The following DIPK1C variants were observed in gnomAD, a reference collection of about 807,000 sequenced individuals.
The protein encoded by DIPK1C is familial non-conventional Alzheimer's dementia.
Under a neutral mutation model 28.0 loss-of-function variants are expected in DIPK1C, and 33 were observed. That is an observed-to-expected ratio of 1.18 (90% CI 0.89 to 1.58). The LOEUF (loss-of-function observed/expected upper bound fraction) is 1.58, where lower values mean the gene tolerates loss of function less well. Ranked by LOEUF, DIPK1C falls within the 40% of genes most tolerant of loss-of-function variation. The pLI is 0.00. For missense variants in DIPK1C, 569 were observed against 568.5 expected, an observed-to-expected ratio of 1.00 and a Z score of -0.01; for synonymous variants, 255 against 248.8, an observed-to-expected ratio of 1.02 and a Z score of -0.23.
intron 2 of DIPK1C, among the ~76,000 whole-genome samples, chr18:74,443,800 T>C (rs753445803): frequency 1.3e-5 from 2 of 152,178 alleles, no homozygotes; most frequent in Non-Finnish European, 2.9e-5. Flanking sequence ...CTCCCATCTT[T>C]ATAATTCATT....
chr18:74,443,836 C>T (rs1361037558), intron 2 of DIPK1C, among the ~76,000 whole-genome samples: 4 of 152,076 alleles, frequency 2.6e-5, no homozygotes, highest in Non-Finnish European at 5.9e-5. Flanking sequence ...CTCTTCTATT[C>T]TTTCTATGGT....
intron 3 of DIPK1C, among the ~76,000 whole-genome samples, chr18:74,438,987 C>T (rs1274722904): frequency 6.6e-6 from 1 of 152,190 alleles, no homozygotes; most frequent in East Asian, 1.9e-4. Context: ...GGAATAAGGC[C>T]CCTTCCACCC....
chr18:74,456,946 A>G (rs898566860), intron 1 of DIPK1C, 116 bp downstream of exon 1: 5 of 1,112,550 alleles, frequency 4.5e-6, no homozygotes, highest in Non-Finnish European at 5.8e-6. Flanking sequence ...TCGGGAACCC[A>G]TGTCCCCGGC....
intron 1 of DIPK1C, among the ~76,000 whole-genome samples, chr18:74,453,677 G>A (rs924417243): frequency 3.3e-5 from 5 of 152,188 alleles, no homozygotes; most frequent in Non-Finnish European, 7.3e-5. Context: ...ATTTGCTATG[G>A]AAGGGTTAAG....
rs1289484510 is a variant in DIPK1C at position 74,436,306 on chromosome 18, G to A, written c.*195C>T. On this transcript the variant is annotated 3_prime_UTR_variant, in exon 4 of 4. Transcript: ENST00000343998. Reference sequence around the variant, plus strand: ...TCCCTCATCTCATTTTACACAAGGCGACAGGTCAGAGGCCAGGGTGGGACG... The same window carrying A: ...TCCCTCATCTCATTTTACACAAGGCAACAGGTCAGAGGCCAGGGTGGGACG... 7 of 591,928 alleles carry A rather than the reference G, an allele frequency of 1.2e-5. No homozygotes were observed. The highest frequency in any genetic ancestry group is 1.9e-5 in the African/African-American group (1 of 53,492). The allele number at this position is 591,928 out of a possible 1,614,324, so 36.7% of individuals were successfully genotyped here. A position where few individuals can be genotyped will look rare whatever the true frequency, so the allele number is the denominator to read the frequency against.
rs765253040 is a variant in DIPK1C, at chr18:74,441,982, G to A, written c.1011C>T (p.Cys337=). 7.4e-6 allele frequency: 12 copies of A among 1,613,906 alleles called. No homozygotes were observed. The highest frequency in any genetic ancestry group is 2.2e-5 in the South Asian group (2 of 91,056). Residue 337 remains cysteine (C), a synonymous_variant, in exon 3 of 4, where the codon TGC becomes TGT. Coordinates refer to ENST00000343998, the MANE Select transcript of DIPK1C (RefSeq NM_001044369.3). ...FSRCDLRVNK[C]GAQRVNNNLQ... ...GGTTGTTGTTTACGCGCTGCGCTCC[G>A]CATTTGTTGACTCGTAAATCACATC... is the stretch of plus-strand genomic sequence containing the variant.
In DIPK1C at chr18:74,436,599, G is replaced by C. The variant is rs573919003; in HGVS notation, c.1162C>G (p.Pro388Ala). 10 of 1,613,230 alleles carry C rather than the reference G, an allele frequency of 6.2e-6. No homozygotes were observed. The South Asian group carries it at 8.8e-5, about 14-fold the overall frequency. The change falls in exon 4 of 4, where the codon CCC becomes GCC. Residue 388 changes from proline to alanine, a missense_variant. Coordinates refer to ENST00000343998, the MANE Select transcript of DIPK1C (RefSeq NM_001044369.3). ...GCTGCTCTCCGGGTGTTCCCACTGG[G>C]GACCCCAGGGTCTGCACATTCCTGC... ...AVQECADPGVPSGNTRRAASS... is the reference protein window; with the variant it reads ...AVQECADPGVASGNTRRAASS...
chr18:74,452,185 C>T (rs1489535443), intron 1 of DIPK1C, among the ~76,000 whole-genome samples: 1 of 152,142 alleles, frequency 6.6e-6, no homozygotes, highest in African/African-American at 2.4e-5. Flanking sequence ...TAAGTGAAAT[C>T]ATTAAAAGTC....
At chr18:74,438,474 C>T (rs1332787109) in intron 3 of DIPK1C, among the ~76,000 whole-genome samples, 1 of 152,212 alleles carries the variant, frequency 6.6e-6, no homozygotes. Flanking sequence ...AAAATTTCTA[C>T]TCATTTACAC....
chr18:74,455,630 A>T (rs1986490246), intron 1 of DIPK1C, among the ~76,000 whole-genome samples: 1 of 152,078 alleles, frequency 6.6e-6, no homozygotes, highest in Admixed American at 6.6e-5. Flanking sequence ...CATCTCTATT[A>T]AAAATACAAA....
rs752466918 is a variant in DIPK1C at position 74,447,204 on chromosome 18, C to T, written c.278G>A (p.Arg93His). 9 of 1,550,176 alleles carry T rather than the reference C, an allele frequency of 5.8e-6. No homozygotes were observed. Among genetic ancestry groups the T allele is most frequent in the Admixed American group, 2.0e-5 (1 of 50,972 alleles). ...LCVAGELLFQRCLHYNRGKKV... is the reference protein window; with the variant it reads ...LCVAGELLFQHCLHYNRGKKV... ...CTTGCCTCTGTTGTAGTGCAGGCAG[C>T]GTTGGAACAGCAGCTCTCCCGCCAC... is the stretch of plus-strand genomic sequence containing the variant. The change falls in exon 2 of 4, where the codon CGC (arginine) becomes CAC (histidine). Residue 93 changes from arginine to histidine, a missense_variant. Arg to His is a conservative substitution (Grantham distance 29). Transcript: ENST00000343998. The surrounding 1 kb of genome is among the most constrained non-coding windows in gnomAD (Gnocchi z 4.1).
At chr18:74,444,653 G>T (rs940981812) in intron 2 of DIPK1C, among the ~76,000 whole-genome samples, 1 of 152,160 alleles carries the variant, frequency 6.6e-6, no homozygotes, top group African/African-American at 2.4e-5. Flanking sequence ...CTTAAAAGTT[G>T]TACAGTCTTG....
rs1253858918 is a variant in DIPK1C, at chr18:74,446,828, G to A, written c.654C>T (p.His218=). ...HVLPVLGSCG[H]FYAVEFLAAG... ...CGGCCAGGAACTCCACCGCGTAGAAGTGGCCGCAGGAACCCAGCACGGGCA... is the reference window on the plus strand; with the variant it reads ...CGGCCAGGAACTCCACCGCGTAGAAATGGCCGCAGGAACCCAGCACGGGCA... Residue 218 remains histidine (H), a synonymous_variant, in exon 2 of 4, where the codon CAC becomes CAT. Transcript: ENST00000343998. The A allele has an allele frequency of 6.7e-7, 1 of 1,500,046 alleles. No homozygotes were observed. The highest frequency in any genetic ancestry group is 2.3e-5 in the Admixed American group (1 of 44,230). 92.9% of individuals were successfully genotyped at this position (1,500,046 alleles called of 1,614,324 possible).
At chr18:74,440,842 C>A (rs950304794) in intron 3 of DIPK1C, among the ~76,000 whole-genome samples, 1 of 152,370 alleles carries the variant, frequency 6.6e-6, no homozygotes, top group Admixed American at 6.5e-5. Flanking sequence ...TCATGACGAA[C>A]CCCATCAAGG....
intron 2 of DIPK1C, among the ~76,000 whole-genome samples, chr18:74,446,106 C>T (rs919146329): frequency 7.9e-5 from 12 of 152,174 alleles, no homozygotes; most frequent in Non-Finnish European, 1.6e-4. Context: ...GTCTTACATA[C>T]GGAATGGAAA....
chr18:74,436,212 C>A lies in DIPK1C; in HGVS notation c.*289G>T. The A allele has an allele frequency of 2.3e-6, 1 of 433,216 alleles. No homozygotes were observed. Among genetic ancestry groups the A allele is most frequent in the Non-Finnish European group, 4.1e-6 (1 of 242,420 alleles). The allele number at this position is 433,216 out of a possible 1,614,324, so 26.8% of individuals were successfully genotyped here. ...GATAACCAGGTACAAGTGCTCTCTGCAGAGAATAAGTGCACACAGGTTGGT... is the reference window on the plus strand; with the variant it reads ...GATAACCAGGTACAAGTGCTCTCTGAAGAGAATAAGTGCACACAGGTTGGT... On this transcript the variant is annotated 3_prime_UTR_variant, in exon 4 of 4. Coordinates refer to ENST00000343998, the MANE Select transcript of DIPK1C (RefSeq NM_001044369.3).
the DIPK1C span, among the ~76,000 whole-genome samples, chr18:74,464,552 A>T: frequency 6.6e-6 from 1 of 152,218 alleles, no homozygotes; most frequent in Non-Finnish European, 1.5e-5. Context: ...CATAGTTCAC[A>T]TTAGGGTTCA....
rs1986284903 is a variant in DIPK1C at position 74,447,042 on chromosome 18, A to G, written c.440T>C (p.Leu147Pro). Residue 147 changes from leucine (L) to proline (P), a missense_variant, in exon 2 of 4, where the codon CTC (leucine) becomes CCC (proline). Leu to Pro is a moderately conservative substitution (Grantham distance 98). Coordinates refer to ENST00000343998, the MANE Select transcript of DIPK1C (RefSeq NM_001044369.3). The surrounding 1 kb of genome is among the most constrained non-coding windows in gnomAD (Gnocchi z 4.1). ...GACCTCCCCAGCCACCATCAGGAGG[A>G]GTTCGGCCTCGGGCATGTCCTGGCC... ...EGGQDMPEAE[L>P]LLMVAGEVKS... is the part of the protein sequence containing the mutation. 1 of 1,549,024 alleles carries G rather than the reference A, an allele frequency of 6.5e-7. No homozygotes were observed. Among genetic ancestry groups the G allele is most frequent in the Non-Finnish European group, 8.7e-7 (1 of 1,146,216 alleles).
intron 1 of DIPK1C, among the ~76,000 whole-genome samples, chr18:74,454,844 C>T: frequency 9.7e-6 from 1 of 103,232 alleles, no homozygotes; most frequent in African/African-American, 3.7e-5. Flanking sequence ...CTCGCATCAA[C>T]ACATCCAGGA....
Sources: allele counts gnomAD v4.1 joint callset (sites outside exome capture counted in the v4.1 genomes callset), GRCh38; gene constraint gnomAD v4.1.1; non-coding constraint Gnocchi (gnomAD v3.1); transcripts MANE v1.5; gene names NCBI Gene and HGNC (gene_info 2026-07-23, HGNC 2026-07-21).